MAGI2: variants seen among roughly 807,000 people sequenced by gnomAD.
The protein encoded by MAGI2 is membrane-associated guanylate kinase, WW and PDZ domain-containing protein 2.
In MAGI2, 35 loss-of-function variants were observed where a neutral mutation model predicts 133.3. The observed-to-expected ratio is 0.26, with a 90% CI of 0.20 to 0.35. The LOEUF (loss-of-function observed/expected upper bound fraction) is 0.35. Ranked by LOEUF, MAGI2 falls within the 10% of genes least tolerant of loss-of-function variation. The pLI, the probability that MAGI2 is intolerant of heterozygous loss-of-function variation, is 1.00. For missense variants in MAGI2, 1,636 were observed against 1,863.4 expected, an observed-to-expected ratio of 0.88 and a Z score of 2.25; for synonymous variants, 729 against 710.6, an observed-to-expected ratio of 1.03 and a Z score of -0.41.
intron 9 of MAGI2, among the ~76,000 whole-genome samples, chr7:78,340,555 C>G (rs1024000859): frequency 6.6e-6 from 1 of 152,164 alleles, no homozygotes. Context: ...CAAAAATCCT[C>G]AATAAAATAC....
intron 1 of MAGI2, among the ~76,000 whole-genome samples, chr7:79,332,289 G>T (rs2129091728): frequency 6.6e-6 from 1 of 152,280 alleles, no homozygotes; most frequent in East Asian, 1.9e-4. Context: ...GATGCAATTG[G>T]TCACTCTACC....
intron 3 of MAGI2, among the ~76,000 whole-genome samples, chr7:78,575,890 T>TA (rs1802218257): frequency 1.3e-5 from 2 of 152,128 alleles, no homozygotes; most frequent in Admixed American, 6.5e-5. Context: ...GAATATTAGG[T>TA]AAAAACAAAA....
At chr7:78,551,570 C>A (rs992031871) in intron 3 of MAGI2, among the ~76,000 whole-genome samples, 3 of 152,218 alleles carry the variant, frequency 2.0e-5, no homozygotes, top group African/African-American at 7.2e-5. Flanking sequence ...ATAATATACC[C>A]ACTGCATGTC....
intron 2 of MAGI2, among the ~76,000 whole-genome samples, chr7:78,676,718 A>G (rs1472145319): frequency 6.6e-6 from 1 of 152,032 alleles, no homozygotes; most frequent in Non-Finnish European, 1.5e-5. Context: ...TACATTATGG[A>G]TGAATAATCA....
At chr7:78,275,297 G>A (rs1794955100) in intron 9 of MAGI2, among the ~76,000 whole-genome samples, 1 of 152,276 alleles carries the variant, frequency 6.6e-6, no homozygotes, top group African/African-American at 2.4e-5. Context: ...ACCAGTCCCA[G>A]TGAGATGAAC....
chr7:78,230,946 C>A (rs1049655104), intron 10 of MAGI2, among the ~76,000 whole-genome samples: 3 of 152,138 alleles, frequency 2.0e-5, no homozygotes, highest in Non-Finnish European at 2.9e-5. Flanking sequence ...TTCTCAAGAG[C>A]CTTGGGGAGG....
intron 2 of MAGI2, among the ~76,000 whole-genome samples, chr7:78,633,019 TA>T (rs1296501608): frequency 1.3e-5 from 2 of 152,108 alleles, no homozygotes; most frequent in Non-Finnish European, 2.9e-5. Context: ...ACAGACTGGA[TA>T]AAGAAACATG....
chr7:79,109,500 G>A (rs1156484771), intron 1 of MAGI2, among the ~76,000 whole-genome samples: 1 of 152,174 alleles, frequency 6.6e-6, no homozygotes, highest in Admixed American at 6.5e-5. Context: ...AAGGAGCAAA[G>A]CATTCAAGCT....
intron 10 of MAGI2, among the ~76,000 whole-genome samples, chr7:78,234,587 A>AT (rs372465019): frequency 1.4e-4 from 1 of 7,132 alleles, no homozygotes; most frequent in East Asian, 0.01. Flanking sequence ...ATTATATTTC[A>AT]TATAATATAA....
intron 21 of MAGI2, among the ~76,000 whole-genome samples, chr7:78,065,078 C>T (rs756507299): frequency 1.3e-5 from 2 of 151,804 alleles, no homozygotes; most frequent in Non-Finnish European, 2.9e-5. Flanking sequence ...AGGATCTTGT[C>T]CTGATTGGAT....
At chr7:78,894,554 G>T (rs966140971) in intron 2 of MAGI2, among the ~76,000 whole-genome samples, 5 of 152,106 alleles carry the variant, frequency 3.3e-5, no homozygotes, top group African/African-American at 1.2e-4. Context: ...TTATAAGAAT[G>T]ATTAATGGTA....
intron 2 of MAGI2, among the ~76,000 whole-genome samples, chr7:78,915,652 T>A (rs1798735993): frequency 6.6e-6 from 1 of 152,020 alleles, no homozygotes; most frequent in South Asian, 2.1e-4. Context: ...TTTCGTAATT[T>A]TTTTTTTGTT....
At chr7:78,892,083 T>C (rs1357611633) in intron 2 of MAGI2, among the ~76,000 whole-genome samples, 3 of 152,052 alleles carry the variant, frequency 2.0e-5, no homozygotes, top group East Asian at 1.9e-4. Context: ...TATACACCAA[T>C]AGCAGACAAA....
At chr7:78,614,616 A>G (rs545587827) in intron 3 of MAGI2, 2 of 152,324 alleles carry the variant, frequency 1.3e-5, no homozygotes, top group South Asian at 2.1e-4. Flanking sequence ...TTAGGCATGT[A>G]AGAACATTGT....
intron 1 of MAGI2, among the ~76,000 whole-genome samples, chr7:79,332,495 C>T (rs559741872): frequency 6.6e-6 from 1 of 152,144 alleles, no homozygotes; most frequent in Non-Finnish European, 1.5e-5. Flanking sequence ...TCCTTATTGC[C>T]CTTTTCTGAA....
At chr7:79,269,063 T>A (rs1450587541) in intron 1 of MAGI2, among the ~76,000 whole-genome samples, 2 of 152,182 alleles carry the variant, frequency 1.3e-5, no homozygotes, top group Non-Finnish European at 2.9e-5. Context: ...TAAATTTCAA[T>A]ACGCTTTTAT....
At chr7:78,431,717 G>A (rs184865808) in intron 6 of MAGI2, among the ~76,000 whole-genome samples, 2 of 151,984 alleles carry the variant, frequency 1.3e-5, no homozygotes, top group African/African-American at 4.8e-5. Context: ...GAAACATTAT[G>A]TATCTTAAAG....
chr7:78,556,139 T>C (rs189284452), intron 3 of MAGI2, among the ~76,000 whole-genome samples: 75 of 152,330 alleles, frequency 4.9e-4, no homozygotes, highest in Middle Eastern at 3.4e-3. Flanking sequence ...GCTTATATTA[T>C]GCCTCACAGG....
At chr7:79,112,216 G>C (rs898505195) in intron 1 of MAGI2, among the ~76,000 whole-genome samples, 1 of 152,036 alleles carries the variant, frequency 6.6e-6, no homozygotes, top group East Asian at 1.9e-4. Flanking sequence ...TAAGCGAATA[G>C]TTATCTGGAA....
Sources: gnomAD v4.1 joint callset for allele counts (sites outside exome capture counted in the v4.1 genomes callset) on GRCh38, gnomAD v4.1.1 for gene constraint, MANE v1.5 for transcripts, NCBI Gene and HGNC (gene_info 2026-07-23, HGNC 2026-07-21) for gene names.